HP1BP3: variants seen among roughly 807,000 people sequenced by gnomAD.
HP1BP3 encodes the protein heterochromatin protein 1-binding protein 3.
A neutral mutation model predicts 62.5 loss-of-function variants in HP1BP3; 12 were observed. The ratio of observed to expected loss-of-function variants is 0.19; its 90% CI spans 0.12 to 0.31. The LOEUF (loss-of-function observed/expected upper bound fraction) is 0.31, where lower values mean the gene tolerates loss of function less well. Among genes scored for constraint, HP1BP3 ranks in the 10% least tolerant of loss-of-function variants. HP1BP3 has a pLI of 1.00. For synonymous variants in HP1BP3, 260 were observed against 237.8 expected, an observed-to-expected ratio of 1.09 and a Z score of -0.86; for missense variants, 502 against 651.8, an observed-to-expected ratio of 0.77 and a Z score of 2.50.
In HP1BP3 at chr1:20,780,501, A is replaced by G. The variant is rs1431258766; in HGVS notation, c.-61T>C. ...TCTGAAGCCTCTGCTGTTAACCACA[A>G]GGATTTTTCCTAATGGTTTCAGTGT... On this transcript the variant is annotated 5_prime_UTR_variant, in exon 2 of 13. Transcript: ENST00000438032. 2 of 1,215,602 alleles carry G rather than the reference A, an allele frequency of 1.6e-6. No individual in the cohort carries two copies. Among genetic ancestry groups the G allele is most frequent in the Non-Finnish European group, 2.4e-6 (2 of 819,948 alleles). 75.3% of individuals were successfully genotyped at this position (1,215,602 alleles called of 1,614,324 possible).
rs200530725 is a variant in HP1BP3 at position 20,757,358 on chromosome 1, C to CTATTAT, written c.891-108_891-103dup. The CTATTAT allele has an allele frequency of 5.4e-4, 236 of 435,610 alleles. 3 individuals are homozygous for CTATTAT. Among genetic ancestry groups the CTATTAT allele is most frequent in the South Asian group, 2.2e-3 (43 of 19,154 alleles). 27.0% of individuals were successfully genotyped at this position (435,610 alleles called of 1,614,324 possible). ...ATTCCCAGATCTAGAGTTCTGATTA[C>CTATTAT]TATTATTATTATTATTTTTTTTTTT... On this transcript the variant is annotated intron_variant, in intron 8 of 12. Transcript: ENST00000438032.
chr1:20,785,858 G>GT (rs975618422), intron 1 of HP1BP3, among the ~76,000 whole-genome samples: 1 of 152,160 alleles, frequency 6.6e-6, no homozygotes, highest in African/African-American at 2.4e-5. Flanking sequence ...AAGCTAACAA[G>GT]TTTTTTGCCT....
intron 8 of HP1BP3, among the ~76,000 whole-genome samples, chr1:20,762,325 C>T (rs1247835242): frequency 6.6e-6 from 1 of 152,110 alleles, no homozygotes. Context: ...AGCCTAAGGT[C>T]ATGACAATAT....
intron 9 of HP1BP3, among the ~76,000 whole-genome samples, chr1:20,750,625 T>C (rs1022019199): frequency 2.0e-5 from 3 of 151,610 alleles, no homozygotes; most frequent in African/African-American, 7.3e-5. Context: ...TAGCTGACCC[T>C]TGAACACAAC....
intron 6 of HP1BP3, 114 bp from the exon 7 acceptor site, chr1:20,767,778 G>GAAAA: frequency 6.3e-6 from 3 of 478,258 alleles, no homozygotes; most frequent in Non-Finnish European, 7.2e-6. Flanking sequence ...CTTCTTCAGA[G>GAAAA]AAAAAAAAAA....
chr1:20,757,134 A>G, intron 9 of HP1BP3, 32 bp downstream of exon 9: 1 of 1,448,636 alleles, frequency 6.9e-7, no homozygotes, highest in Non-Finnish European at 9.6e-7. Context: ...TTTAAGAAGC[A>G]CTTCTCCACA....
intron 4 of HP1BP3, among the ~76,000 whole-genome samples, chr1:20,775,171 A>G (rs1297614856): frequency 6.6e-6 from 1 of 152,126 alleles, no homozygotes; most frequent in East Asian, 1.9e-4. Flanking sequence ...ATTCCAAAAG[A>G]CAGCACTGTT....
chr1:20,755,819 T>C (rs1456549746), intron 9 of HP1BP3, among the ~76,000 whole-genome samples: 3 of 152,114 alleles, frequency 2.0e-5, no homozygotes, highest in Admixed American at 6.6e-5. Flanking sequence ...TAAAAAAGAA[T>C]GAAAGCACTG....
chr1:20,781,059 G>A (rs1274060562), intron 1 of HP1BP3, among the ~76,000 whole-genome samples: 1 of 151,926 alleles, frequency 6.6e-6, no homozygotes, highest in Non-Finnish European at 1.5e-5. Flanking sequence ...ACCCACAGAA[G>A]CAAATTTAGA....
chr1:20,762,514 C>T (rs563112747), intron 8 of HP1BP3, among the ~76,000 whole-genome samples: 1 of 152,118 alleles, frequency 6.6e-6, no homozygotes, highest in South Asian at 2.1e-4. Flanking sequence ...ACCCTAATCA[C>T]GAATCCCCTA....
chr1:20,768,573 T>C (rs2056901577), intron 6 of HP1BP3, among the ~76,000 whole-genome samples: 1 of 151,826 alleles, frequency 6.6e-6, no homozygotes, highest in African/African-American at 2.4e-5. Context: ...GGCACGGTGG[T>C]TCATTCCTAT....
chr1:20,744,817 A>T lies in HP1BP3; in HGVS notation c.1642T>A (p.Ser548Thr), dbSNP rs756987119. 1 of 1,607,214 alleles carries T rather than the reference A, an allele frequency of 6.2e-7. No individual in the cohort carries two copies. Among genetic ancestry groups the T allele is most frequent in the Admixed American group, 1.7e-5 (1 of 58,466 alleles). ...AAAATTTACTTTTTCACTCTGAAAG[A>T]CTTCTTCATGGTGGATTTGCCCTTG... ...PGKGKSTMKK[S>T]FRVKK The change falls in exon 13 of 13, where the codon TCT becomes ACT. Residue 548 changes from serine to threonine, a missense_variant. By Grantham distance (58) the Ser-to-Thr change is moderately conservative. Around this residue, in one of 5 missense-constraint regions of HP1BP3, gnomAD observed 194 missense variants for 207.0 expected, o/e 0.94. Transcript: ENST00000438032.
At chr1:20,777,941 G>T (rs12090087) in intron 3 of HP1BP3, among the ~76,000 whole-genome samples, 14 of 152,070 alleles carry the variant, frequency 9.2e-5, no homozygotes, top group African/African-American at 3.1e-4. Context: ...ATGGTATCTG[G>T]GGATAAAGAT....
intron 1 of HP1BP3, chr1:20,786,666 T>C (rs921580562): frequency 5.3e-5 from 8 of 152,026 alleles, no homozygotes; most frequent in Non-Finnish European, 1.2e-4. Flanking sequence ...AGCTCCGTAA[T>C]GGCGGCGGCG....
At position 20,779,349 on chromosome 1, in the gene HP1BP3, T is replaced by TC. The variant is rs201305598; in HGVS notation, c.196+462dup. 2.8e-4 allele frequency among the ~76,000 whole-genome samples: 42 copies of TC among 152,274 alleles called. 1 individual carries two copies. The East Asian group carries it at 6.9e-3, about 25-fold the overall frequency. ...CTATGTTTCTTTCCATTTGTTATGC[T>TC]CCCACCACTGACTGGCCAATCTTCT... On this transcript the variant is annotated intron_variant, in intron 3 of 12. Coordinates refer to ENST00000438032, the MANE Select transcript of HP1BP3 (RefSeq NM_001372052.1).
intron 8 of HP1BP3, among the ~76,000 whole-genome samples, chr1:20,758,408 C>T (rs911774507): frequency 8.0e-5 from 12 of 150,300 alleles, no homozygotes; most frequent in South Asian, 2.1e-4. Context: ...TGCAGTGGCG[C>T]GATCTCAGGT....
At chr1:20,773,660 GTA>G in intron 4 of HP1BP3, 50 bp from the exon 5 acceptor site, 1 of 1,290,610 alleles carries the variant, frequency 7.7e-7, no homozygotes, top group East Asian at 2.6e-5. Context: ...CTAGAAAGAC[GTA>G]TAAAGTCAGA....
At chr1:20,786,321 G>C (rs1047409687) in intron 1 of HP1BP3, 1 of 152,318 alleles carries the variant, frequency 6.6e-6, no homozygotes, top group Non-Finnish European at 1.5e-5. Flanking sequence ...TTTCCCACCG[G>C]GGGAGCGAGA....
At position 20,740,823 on chromosome 1, in the gene HP1BP3, A is replaced by T. The variant is rs1484442886; in HGVS notation, c.*3974T>A. Reference sequence around the variant, plus strand: ...ACACAGCAAACTCCATCTCAAAAAAATAATAAGTAAAAGAATATAGTTATA... The same window carrying T: ...ACACAGCAAACTCCATCTCAAAAAATTAATAAGTAAAAGAATATAGTTATA... On this transcript the variant is annotated 3_prime_UTR_variant, in exon 13 of 13. Coordinates refer to ENST00000438032, the MANE Select transcript of HP1BP3 (RefSeq NM_001372052.1). Among the ~76,000 whole-genome samples, 5 of 152,282 alleles carry T rather than the reference A, an allele frequency of 3.3e-5. No homozygotes were observed. The highest frequency in any genetic ancestry group is 1.2e-4 in the African/African-American group (5 of 41,478).
Sources: allele counts gnomAD v4.1 joint callset (sites outside exome capture counted in the v4.1 genomes callset), GRCh38; gene constraint gnomAD v4.1.1; regional missense constraint gnomAD v4.1.1; transcripts MANE v1.5; gene names NCBI Gene and HGNC (gene_info 2026-07-23, HGNC 2026-07-21).